The following PHACTR1 variants were observed in gnomAD, a reference collection of about 807,000 sequenced individuals.
PHACTR1 encodes the protein RPEL repeat containing 1.
A neutral mutation model predicts 69.2 loss-of-function variants in PHACTR1; 16 were observed. The ratio of observed to expected loss-of-function variants is 0.23; its 90% CI spans 0.16 to 0.35. The LOEUF (loss-of-function observed/expected upper bound fraction) is 0.35, where lower values mean the gene tolerates loss of function less well. PHACTR1 is among the 10% of genes least tolerant of loss of function. PHACTR1 has a pLI of 1.00. For missense variants in PHACTR1, 510 were observed against 734.7 expected (o/e 0.69, Z 3.54); for synonymous variants, 312 against 284.5 (o/e 1.10, Z -0.97).
At chr6:13,214,690 C>T (rs193044706) in intron 8 of PHACTR1, among the ~76,000 whole-genome samples, 8 of 152,194 alleles carry the variant, frequency 5.3e-5, no homozygotes, top group East Asian at 1.9e-4. Context: ...ACATTCTAGA[C>T]GGATTAGAGG....
At chr6:12,931,634 C>T (rs1788882517) in intron 4 of PHACTR1, among the ~76,000 whole-genome samples, 1 of 152,042 alleles carries the variant, frequency 6.6e-6, no homozygotes, top group Non-Finnish European at 1.5e-5. Flanking sequence ...TGACTGCTCA[C>T]GTCAGCATCC....
intron 10 of PHACTR1, among the ~76,000 whole-genome samples, chr6:13,258,363 A>G (rs1047226298): frequency 3.9e-4 from 12 of 30,692 alleles, no homozygotes; most frequent in African/African-American, 7.3e-4. Flanking sequence ...TTAAAAAAAG[A>G]AAAAAAAAAA....
chr6:12,836,402 G>A (rs1778169026), intron 4 of PHACTR1, among the ~76,000 whole-genome samples: 1 of 152,076 alleles, frequency 6.6e-6, no homozygotes, highest in South Asian at 2.1e-4. Context: ...CAAAACCTTG[G>A]ATTCTTTTGA....
chr6:12,930,862 C>G (rs1788786625), intron 4 of PHACTR1, among the ~76,000 whole-genome samples: 2 of 151,996 alleles, frequency 1.3e-5, no homozygotes, highest in South Asian at 4.2e-4. Flanking sequence ...ACCAGCCTGA[C>G]CAACATGGTG....
intron 5 of PHACTR1, among the ~76,000 whole-genome samples, chr6:13,058,193 C>A (rs1009471061): frequency 6.6e-6 from 1 of 152,176 alleles, no homozygotes; most frequent in Non-Finnish European, 1.5e-5. Flanking sequence ...ACAGGCAGTG[C>A]CTCCCCAAAT....
At position 12,797,328 on chromosome 6, in the gene PHACTR1, G is replaced by T. The variant is rs189568783; in HGVS notation, c.250+47538G>T. ...CATACATTCACGGACTGCATATTGT[G>T]CAGTGATTCAAAGGCAAGCACTTCC... On this transcript the variant is annotated intron_variant, in intron 4 of 14. Coordinates refer to ENST00000332995, the MANE Select transcript of PHACTR1 (RefSeq NM_030948.6). Among the ~76,000 whole-genome samples, 17 of 152,288 alleles carry T rather than the reference G, an allele frequency of 1.1e-4. No individual in the cohort carries two copies. The East Asian group carries it at 3.1e-3, about 28-fold the overall frequency.
chr6:13,006,409 A>G (rs142589712), intron 4 of PHACTR1, among the ~76,000 whole-genome samples: 1 of 152,328 alleles, frequency 6.6e-6, no homozygotes, highest in African/African-American at 2.4e-5. Flanking sequence ...GCTTTGCTGT[A>G]AACTCATTTT....
At chr6:13,150,168 G>A (rs893688925) in intron 5 of PHACTR1, among the ~76,000 whole-genome samples, 7 of 152,020 alleles carry the variant, frequency 4.6e-5, no homozygotes, top group African/African-American at 1.7e-4. Flanking sequence ...GCAACATGGC[G>A]AAACCCCACC....
intron 6 of PHACTR1, among the ~76,000 whole-genome samples, chr6:13,167,678 T>C (rs1760008620): frequency 6.6e-6 from 1 of 152,200 alleles, no homozygotes; most frequent in Non-Finnish European, 1.5e-5. Context: ...TTGCTTTCCA[T>C]TGTGTGCTGG....
chr6:12,815,770 G>T (rs1436804716), intron 4 of PHACTR1, among the ~76,000 whole-genome samples: 1 of 152,102 alleles, frequency 6.6e-6, no homozygotes, highest in Non-Finnish European at 1.5e-5. Flanking sequence ...CCCCAGTCTA[G>T]CTTGCTTTTG....
chr6:13,041,897 C>G (rs1804236070), intron 4 of PHACTR1, among the ~76,000 whole-genome samples: 1 of 152,172 alleles, frequency 6.6e-6, no homozygotes, highest in Non-Finnish European at 1.5e-5. Context: ...AGGCAAATCC[C>G]TTGACTCCTC....
intron 4 of PHACTR1, among the ~76,000 whole-genome samples, chr6:12,903,791 T>C (rs1003613020): frequency 5.3e-5 from 8 of 152,234 alleles, no homozygotes; most frequent in African/African-American, 1.9e-4. Flanking sequence ...GTATAAAGTC[T>C]GTGGTAAATT....
At chr6:12,877,997 A>G (rs1325333403) in intron 4 of PHACTR1, among the ~76,000 whole-genome samples, 5 of 152,228 alleles carry the variant, frequency 3.3e-5, no homozygotes, top group Non-Finnish European at 1.5e-5. Context: ...AAGCTCAGAA[A>G]GGCTCCAATA....
At chr6:12,997,462 C>A (rs1797564602) in intron 4 of PHACTR1, among the ~76,000 whole-genome samples, 1 of 149,942 alleles carries the variant, frequency 6.7e-6, no homozygotes, top group Non-Finnish European at 1.5e-5. Flanking sequence ...CTTCTGCCTG[C>A]CATTTTTTCT....
chr6:13,079,511 TA>T (rs1487227743), intron 5 of PHACTR1, among the ~76,000 whole-genome samples: 2 of 152,138 alleles, frequency 1.3e-5, no homozygotes, highest in Non-Finnish European at 2.9e-5. Context: ...AGCTTCTCAT[TA>T]ATTTTTCACT....
intron 5 of PHACTR1, among the ~76,000 whole-genome samples, chr6:13,127,708 C>T (rs569529077): frequency 6.6e-6 from 1 of 152,170 alleles, no homozygotes; most frequent in Non-Finnish European, 1.5e-5. Context: ...CCCTTCAACA[C>T]CCACACTTTT....
At chr6:12,881,119 T>C (rs1294721667) in intron 4 of PHACTR1, among the ~76,000 whole-genome samples, 2 of 152,180 alleles carry the variant, frequency 1.3e-5, no homozygotes, top group Non-Finnish European at 2.9e-5. Flanking sequence ...ATGGTAGTTA[T>C]CTGACTGTGG....
intron 4 of PHACTR1, among the ~76,000 whole-genome samples, chr6:12,801,588 GAGA>G (rs1773712191): frequency 6.6e-6 from 1 of 152,206 alleles, no homozygotes; most frequent in South Asian, 2.1e-4. Flanking sequence ...ATTAATTGCA[GAGA>G]AGGAGCTAAG....
intron 10 of PHACTR1, among the ~76,000 whole-genome samples, chr6:13,239,208 A>G (rs1420835272): frequency 6.6e-6 from 1 of 152,184 alleles, no homozygotes; most frequent in Non-Finnish European, 1.5e-5. Flanking sequence ...CTCCCATAAA[A>G]CTGAAGGAAG....
Sources: allele counts gnomAD v4.1 joint callset (sites outside exome capture counted in the v4.1 genomes callset), GRCh38; gene constraint gnomAD v4.1.1; transcripts MANE v1.5; gene names NCBI Gene and HGNC (gene_info 2026-07-23, HGNC 2026-07-21).